The following MYO5B variants were observed in gnomAD, a reference collection of about 807,000 sequenced individuals.
MYO5B encodes the protein myosin VB, also known as unconventional myosin-Vb.
Under a neutral mutation model 229.3 loss-of-function variants are expected in MYO5B, and 143 were observed. That is an observed-to-expected ratio of 0.62 (90% CI 0.54 to 0.72). MYO5B has a LOEUF of 0.72. Among genes scored for constraint, MYO5B ranks in the 30% least tolerant of loss-of-function variants. The pLI is 0.00. For missense variants in MYO5B, 2,321 were observed against 2,331.0 expected, an observed-to-expected ratio of 1.00 and a Z score of 0.09; for synonymous variants, 918 against 885.2, an observed-to-expected ratio of 1.04 and a Z score of -0.66.
At chr18:50,120,069 C>T (rs940012713) in intron 1 of MYO5B, among the ~76,000 whole-genome samples, 1 of 152,236 alleles carries the variant, frequency 6.6e-6, no homozygotes, top group Non-Finnish European at 1.5e-5. Flanking sequence ...GTGTTCTCCA[C>T]AGAAAGTGGT....
At chr18:49,971,214 C>G (rs921574795) in intron 10 of MYO5B, among the ~76,000 whole-genome samples, 5 of 152,148 alleles carry the variant, frequency 3.3e-5, no homozygotes, top group African/African-American at 1.2e-4. Context: ...AGAATAAAGC[C>G]TAATGACTGG....
At chr18:49,849,694 T>C in intron 31 of MYO5B, 34 bp from the exon 32 acceptor site, 1 of 1,546,576 alleles carries the variant, frequency 6.5e-7, no homozygotes, top group South Asian at 1.1e-5. Flanking sequence ...AGAACAGACA[T>C]CAGCCCGGCC....
chr18:50,176,562 A>C (rs1043475524), intron 1 of MYO5B, among the ~76,000 whole-genome samples: 1 of 152,204 alleles, frequency 6.6e-6, no homozygotes, highest in South Asian at 2.1e-4. Flanking sequence ...AGAGTCTTCA[A>C]AAGTTCATCC....
At chr18:49,837,980 T>C (rs1212751325) in intron 36 of MYO5B, among the ~76,000 whole-genome samples, 178 bp from the exon 37 acceptor site, 1 of 152,220 alleles carries the variant, frequency 6.6e-6, no homozygotes, top group African/African-American at 2.4e-5. Flanking sequence ...TTGATTTCTG[T>C]ATGGAATAAA....
intron 10 of MYO5B, among the ~76,000 whole-genome samples, chr18:49,964,132 A>G (rs991154081): frequency 6.6e-6 from 1 of 152,222 alleles, no homozygotes; most frequent in Admixed American, 6.5e-5. Context: ...ACCTAAAGAA[A>G]TTACCATGTC....
chr18:49,965,289 T>C (rs190085062), intron 10 of MYO5B, among the ~76,000 whole-genome samples: 105 of 152,330 alleles, frequency 6.9e-4, no homozygotes, highest in Middle Eastern at 3.4e-3. Flanking sequence ...GGCAACATTA[T>C]ACACACATTG....
intron 4 of MYO5B, among the ~76,000 whole-genome samples, chr18:50,007,742 A>G (rs750524366): frequency 6.6e-6 from 1 of 152,242 alleles, no homozygotes; most frequent in South Asian, 2.1e-4. Flanking sequence ...GTACTCAATC[A>G]CATCCTGCCT....
In MYO5B at chr18:49,943,005, C is replaced by T. The variant is rs554048407; in HGVS notation, c.1753-5608G>A. 3.9e-5 allele frequency among the ~76,000 whole-genome samples: 6 copies of T among 152,056 alleles called. No individual in the cohort carries two copies. The South Asian group carries it at 1.0e-3, about 26-fold the overall frequency. On this transcript the variant is annotated intron_variant, in intron 14 of 39. Coordinates refer to ENST00000285039, the MANE Select transcript of MYO5B (RefSeq NM_001080467.3). ...GATAGACTGGATTAAGAAAATGTGG[C>T]ACATATACACCATGGAATACTATGC...
intron 21 of MYO5B, among the ~76,000 whole-genome samples, chr18:49,900,478 G>A (rs562807398): frequency 7.0e-4 from 107 of 152,332 alleles, no homozygotes; most frequent in Admixed American, 1.9e-3. Flanking sequence ...CCCAGTGACA[G>A]TCTCTTCTCA....
At chr18:49,962,861 C>T in intron 11 of MYO5B, 88 bp downstream of exon 11, 2 of 1,147,032 alleles carry the variant, frequency 1.7e-6, no homozygotes, top group Non-Finnish European at 2.7e-6. Context: ...AGGGCCCACC[C>T]ACCTCAGAGG....
intron 1 of MYO5B, among the ~76,000 whole-genome samples, chr18:50,071,432 C>G (rs1192383424): frequency 6.6e-6 from 1 of 152,198 alleles, no homozygotes; most frequent in Non-Finnish European, 1.5e-5. Context: ...AGCACTGAAG[C>G]AGATGCTGAA....
intron 1 of MYO5B, among the ~76,000 whole-genome samples, chr18:50,176,264 C>T (rs117614565): frequency 2.1e-3 from 325 of 152,258 alleles, no homozygotes; most frequent in Non-Finnish European, 3.4e-3. Flanking sequence ...TGCCCATGAC[C>T]GTGGTGAGAT....
intron 14 of MYO5B, among the ~76,000 whole-genome samples, chr18:49,941,531 A>C (rs550938566): frequency 6.6e-6 from 1 of 152,324 alleles, no homozygotes; most frequent in South Asian, 2.1e-4. Flanking sequence ...TGCTAAGGAT[A>C]CTGATGATAT....
At chr18:50,070,969 A>G (rs1446954777) in intron 1 of MYO5B, among the ~76,000 whole-genome samples, 2 of 152,120 alleles carry the variant, frequency 1.3e-5, no homozygotes, top group African/African-American at 2.4e-5. Context: ...ATTTGGGCCA[A>G]TTGCAAACAG....
chr18:50,096,958 G>A (rs1421385579), intron 1 of MYO5B, among the ~76,000 whole-genome samples: 2 of 152,114 alleles, frequency 1.3e-5, no homozygotes, highest in Non-Finnish European at 2.9e-5. Flanking sequence ...AGCCTCACCT[G>A]GCATCCATCC....
At chr18:49,851,379 G>A (rs1343143932) in intron 31 of MYO5B, among the ~76,000 whole-genome samples, 1 of 152,190 alleles carries the variant, frequency 6.6e-6, no homozygotes, top group East Asian at 1.9e-4. Context: ...AATGTGCTAA[G>A]GGGAATTATA....
intron 4 of MYO5B, among the ~76,000 whole-genome samples, chr18:50,022,440 C>A (rs904932038): frequency 6.6e-6 from 1 of 152,160 alleles, no homozygotes; most frequent in African/African-American, 2.4e-5. Context: ...TTCCACATTT[C>A]TTTTATTATG....
At chr18:50,098,025 A>C (rs2031586754) in intron 1 of MYO5B, among the ~76,000 whole-genome samples, 1 of 152,238 alleles carries the variant, frequency 6.6e-6, no homozygotes, top group African/African-American at 2.4e-5. Context: ...AAGGACAAGA[A>C]TGACCAACTT....
intron 2 of MYO5B, 128 bp downstream of exon 2, chr18:50,055,140 A>T: frequency 1.4e-6 from 1 of 698,150 alleles, no homozygotes. Flanking sequence ...GAAAGAATCC[A>T]AGGGCTCAAG....
Sources: allele counts gnomAD v4.1 joint callset (sites outside exome capture counted in the v4.1 genomes callset), GRCh38; gene constraint gnomAD v4.1.1; transcripts MANE v1.5; gene names NCBI Gene and HGNC (gene_info 2026-07-23, HGNC 2026-07-21).